The following ELOVL2 variants were observed in gnomAD, a reference collection of about 807,000 sequenced individuals.
ELOVL2 encodes the protein ELOVL fatty acid elongase 2.
A neutral mutation model predicts 37.7 loss-of-function variants in ELOVL2; 38 were observed. The observed-to-expected ratio is 1.01, with a 90% CI of 0.78 to 1.32. The LOEUF is 1.32. Among genes scored for constraint, ELOVL2 ranks in the 40% most tolerant of loss-of-function variants. The probability of loss-of-function intolerance (pLI) is 0.00; values close to 1 mark genes in which losing one functional copy is unlikely to be tolerated. For missense variants in ELOVL2, 352 were observed against 363.6 expected (o/e 0.97, Z 0.26); for synonymous variants, 115 against 122.3 (o/e 0.94, Z 0.40).
At chr6:10,990,478 A>G (rs1027895778) in intron 5 of ELOVL2, 36 bp from the exon 6 acceptor site, 1 of 1,540,262 alleles carries the variant, frequency 6.5e-7, no homozygotes, top group South Asian at 1.3e-5. Context: ...CTATTCTTCC[A>G]GGAAGGACTG....
At chr6:10,990,492 A>G (rs79799512) in intron 5 of ELOVL2, 50 bp from the exon 6 acceptor site, 2 of 1,512,964 alleles carry the variant, frequency 1.3e-6, no homozygotes, top group Non-Finnish European at 1.8e-6. Flanking sequence ...AGGACTGTTC[A>G]TTCTTCTTTG....
chr6:10,990,960 G>GA (rs1782148739), intron 5 of ELOVL2, among the ~76,000 whole-genome samples: 1 of 152,212 alleles, frequency 6.6e-6, no homozygotes. Flanking sequence ...AGGTGCTGGA[G>GA]AAAGAATAAA....
At chr6:10,984,003 G>T (rs1010459751) in intron 7 of ELOVL2, 97 bp from the exon 8 acceptor site, 19 of 1,153,532 alleles carry the variant, frequency 1.6e-5, no homozygotes, top group African/African-American at 7.9e-5. Context: ...ATGTGATTTT[G>T]TTGGGCGCAG....
Position 10,989,700 on chromosome 6 carries a change from T to C in ELOVL2, c.765+3A>G. 2 of 1,613,176 alleles carry C rather than the reference T, an allele frequency of 1.2e-6. No individual in the cohort carries two copies. Among genetic ancestry groups the C allele is most frequent in the South Asian group, 2.2e-5 (2 of 91,048 alleles). ...TACTGCTGAATATTTACATTCCACGTACCTGAACGTAAAAATTTAAGAAGA... is the reference window on the plus strand; with the variant it reads ...TACTGCTGAATATTTACATTCCACGCACCTGAACGTAAAAATTTAAGAAGA... On this transcript the variant is annotated splice_donor_region_variant and intron_variant, in intron 7 of 7. Coordinates refer to ENST00000354666, the MANE Select transcript of ELOVL2 (RefSeq NM_017770.4).
At chr6:11,016,662 C>T (rs1415086562) in intron 1 of ELOVL2, among the ~76,000 whole-genome samples, 1 of 151,900 alleles carries the variant, frequency 6.6e-6, no homozygotes, top group Non-Finnish European at 1.5e-5. Flanking sequence ...ACTAGAGTCA[C>T]ACAGTGAGTC....
intron 1 of ELOVL2, among the ~76,000 whole-genome samples, chr6:11,013,238 A>T (rs1323172019): frequency 6.6e-6 from 1 of 152,230 alleles, no homozygotes; most frequent in African/African-American, 2.4e-5. Context: ...GGGTTACTTA[A>T]TATAGTTAGT....
chr6:11,013,985 C>T (rs1735930420), intron 1 of ELOVL2, among the ~76,000 whole-genome samples: 1 of 152,180 alleles, frequency 6.6e-6, no homozygotes, highest in Admixed American at 6.5e-5. Flanking sequence ...CGAAATAACC[C>T]TAGATCCACT....
intron 1 of ELOVL2, among the ~76,000 whole-genome samples, chr6:11,016,739 G>A (rs1782690636): frequency 6.6e-6 from 1 of 152,182 alleles, no homozygotes; most frequent in Non-Finnish European, 1.5e-5. Context: ...AACTCCTGGG[G>A]GGATTATTCC....
chr6:10,995,759 T>C (rs1196958703), intron 4 of ELOVL2, among the ~76,000 whole-genome samples: 1 of 152,220 alleles, frequency 6.6e-6, no homozygotes, highest in Non-Finnish European at 1.5e-5. Context: ...TAATAGGGTG[T>C]AGCTAGTGTT....
intron 2 of ELOVL2, 89 bp downstream of exon 2, chr6:11,010,657 G>T: frequency 9.5e-7 from 1 of 1,055,960 alleles, no homozygotes; most frequent in Non-Finnish European, 1.4e-6. Flanking sequence ...CTATTTCCAA[G>T]ACACCAGAAA....
chr6:10,991,497 G>C lies in ELOVL2; in HGVS notation c.506-1055C>G, dbSNP rs188124701. ...TAATAATAACTAGCTCTTAAGTTTG[G>C]GATGAAATTAACTGAGATAATATAT... On this transcript the variant is annotated intron_variant, in intron 5 of 7. Coordinates refer to ENST00000354666, the MANE Select transcript of ELOVL2 (RefSeq NM_017770.4). Among the ~76,000 whole-genome samples, 11 of 152,162 alleles carry C rather than the reference G, an allele frequency of 7.2e-5. No individual in the cohort carries two copies. In the East Asian group the frequency reaches 2.1e-3, roughly 29 times the overall value.
chr6:10,988,400 A>C (rs1211360311), intron 7 of ELOVL2, among the ~76,000 whole-genome samples: 1 of 152,210 alleles, frequency 6.6e-6, no homozygotes, highest in Non-Finnish European at 1.5e-5. Context: ...CCCCATCTCT[A>C]CTAAAAATAC....
At chr6:11,012,100 T>C (rs1782594488) in intron 1 of ELOVL2, among the ~76,000 whole-genome samples, 1 of 152,184 alleles carries the variant, frequency 6.6e-6, no homozygotes, top group African/African-American at 2.4e-5. Context: ...CTATTCCTTA[T>C]TTGTGACTCT....
chr6:10,989,677 C>G, intron 7 of ELOVL2, 26 bp downstream of exon 7: 2 of 1,602,390 alleles, frequency 1.2e-6, no homozygotes, highest in South Asian at 2.2e-5. Context: ...TTACATTTTA[C>G]TGCTGAATAT....
chr6:10,990,655 G>GT (rs960027356), intron 5 of ELOVL2, among the ~76,000 whole-genome samples: 98 of 123,012 alleles, frequency 8.0e-4, no homozygotes, highest in Non-Finnish European at 5.2e-4. Flanking sequence ...GCCTGGGATG[G>GT]TTTTTCAGAA....
At chr6:11,038,240 TAATA>T (rs1783044590) in intron 1 of ELOVL2, among the ~76,000 whole-genome samples, 4 of 152,300 alleles carry the variant, frequency 2.6e-5, no homozygotes, top group Admixed American at 2.6e-4. Flanking sequence ...TTCAACTGAT[TAATA>T]AATGTAAAAT....
intron 5 of ELOVL2, 46 bp from the exon 6 acceptor site, chr6:10,990,488 G>A (rs78128406): frequency 2.6e-6 from 4 of 1,518,142 alleles, no homozygotes; most frequent in Non-Finnish European, 3.5e-6. Context: ...AGGAAGGACT[G>A]TTCATTCTTC....
intron 1 of ELOVL2, among the ~76,000 whole-genome samples, chr6:11,030,448 T>C (rs1357665429): frequency 2.6e-5 from 4 of 152,168 alleles, no homozygotes; most frequent in Admixed American, 6.6e-5. Context: ...ATATCACTTA[T>C]GAATGTTAAA....
At chr6:10,987,586 A>T (rs1365379083) in intron 7 of ELOVL2, among the ~76,000 whole-genome samples, 2 of 152,090 alleles carry the variant, frequency 1.3e-5, no homozygotes, top group Non-Finnish European at 2.9e-5. Flanking sequence ...ATCTTTCTTT[A>T]TTTCTGCCTA....
Sources: allele counts gnomAD v4.1 joint callset (sites outside exome capture counted in the v4.1 genomes callset), GRCh38; gene constraint gnomAD v4.1.1; transcripts MANE v1.5; gene names NCBI Gene and HGNC (gene_info 2026-07-23, HGNC 2026-07-21).